The following WDR70 variants were observed in gnomAD, a reference collection of about 807,000 sequenced individuals.
WDR70 encodes the protein WD repeat-containing protein 70.
Under a neutral mutation model 88.6 loss-of-function variants are expected in WDR70, and 53 were observed. The ratio of observed to expected loss-of-function variants is 0.60; its 90% CI spans 0.48 to 0.75. The LOEUF is 0.75. WDR70 is among the 30% of genes least tolerant of loss of function. The pLI is 0.00. For missense variants in WDR70, 610 were observed against 823.2 expected, an observed-to-expected ratio of 0.74 and a Z score of 3.17; for synonymous variants, 280 against 270.0, an observed-to-expected ratio of 1.04 and a Z score of -0.36.
chr5:37,605,067 T>A lies in WDR70; in HGVS notation c.921T>A (p.Thr307=). 1 of 1,605,556 alleles carries A rather than the reference T, an allele frequency of 6.2e-7. No homozygotes were observed. Among genetic ancestry groups the A allele is most frequent in the Non-Finnish European group, 8.5e-7 (1 of 1,176,142 alleles). The change falls in exon 10 of 18, where the codon ACT becomes ACA. Residue 307 remains threonine (T), a synonymous_variant. Transcript: ENST00000265107. ...GEFMTCSNDA[T]VRTWEVENPK... is the part of the protein sequence containing the mutation. ...AAAATCTCCTGATCATTTTTAGGAC[T>A]GTGAGGACGTGGGAAGTTGAAAATC...
At chr5:37,447,372 C>T (rs1412039813) in intron 7 of WDR70, among the ~76,000 whole-genome samples, 5 of 152,094 alleles carry the variant, frequency 3.3e-5, no homozygotes, top group Admixed American at 6.5e-5. Context: ...TTGTGGAAGT[C>T]AGTGTGGCGA....
At chr5:37,424,195 A>G (rs1581267608) in intron 5 of WDR70, among the ~76,000 whole-genome samples, 2 of 145,464 alleles carry the variant, frequency 1.4e-5, no homozygotes, top group South Asian at 2.2e-4. Flanking sequence ...AAAATTATCT[A>G]TTTATAAATA....
intron 10 of WDR70, among the ~76,000 whole-genome samples, chr5:37,690,395 GA>G (rs1207506015): frequency 6.6e-6 from 1 of 152,070 alleles, no homozygotes; most frequent in Non-Finnish European, 1.5e-5. Context: ...GCAACCCCAA[GA>G]CACATAATTG....
chr5:37,471,655 T>G (rs904763461), intron 7 of WDR70, among the ~76,000 whole-genome samples: 1 of 151,950 alleles, frequency 6.6e-6, no homozygotes, highest in Non-Finnish European at 1.5e-5. Flanking sequence ...GTTAGAATTT[T>G]TTTGTTTTCT....
intron 9 of WDR70, among the ~76,000 whole-genome samples, chr5:37,578,549 G>T (rs1189640475): frequency 6.6e-6 from 1 of 152,108 alleles, no homozygotes; most frequent in Non-Finnish European, 1.5e-5. Flanking sequence ...TGTGTACCTA[G>T]TGTTTCTCAG....
intron 9 of WDR70, among the ~76,000 whole-genome samples, chr5:37,538,872 T>C (rs1741737873): frequency 6.6e-6 from 1 of 152,222 alleles, no homozygotes; most frequent in Non-Finnish European, 1.5e-5. Flanking sequence ...AAGGAAGTAA[T>C]TTCTACTTGT....
intron 9 of WDR70, among the ~76,000 whole-genome samples, chr5:37,557,962 G>GAAAACTCTTCAAAAGAGTAGTCTT (rs1742362126): frequency 3.5e-4 from 1 of 2,880 alleles, no homozygotes; most frequent in African/African-American, 1.1e-3. Context: ...AGAGTATTAT[G>GAAAACTCTTCAAAAGAGTAGTCTT]TATATTTATT....
chr5:37,395,576 C>T (rs765328941), intron 4 of WDR70, among the ~76,000 whole-genome samples: 12 of 152,094 alleles, frequency 7.9e-5, no homozygotes, highest in Non-Finnish European at 1.0e-4. Context: ...TTGGATTAGC[C>T]GTTAGAAATA....
At chr5:37,495,635 G>T (rs140017111) in intron 8 of WDR70, among the ~76,000 whole-genome samples, 3 of 152,286 alleles carry the variant, frequency 2.0e-5, no homozygotes, top group East Asian at 3.9e-4. Context: ...TAAAGGAAGA[G>T]ATATTTTTCA....
intron 5 of WDR70, among the ~76,000 whole-genome samples, chr5:37,419,755 C>T (rs898163367): frequency 6.6e-6 from 1 of 151,994 alleles, no homozygotes; most frequent in African/African-American, 2.4e-5. Context: ...GTGGAGGTTA[C>T]AGTGAGCAGC....
At chr5:37,563,487 T>A (rs1248931804) in intron 9 of WDR70, among the ~76,000 whole-genome samples, 1 of 45,088 alleles carries the variant, frequency 2.2e-5, no homozygotes, top group African/African-American at 6.5e-5. Flanking sequence ...GGCTCCTCAC[T>A]TCCCAGTAGG....
At chr5:37,677,975 C>G (rs1437463454) in intron 10 of WDR70, among the ~76,000 whole-genome samples, 3 of 152,136 alleles carry the variant, frequency 2.0e-5, no homozygotes, top group African/African-American at 4.8e-5. Context: ...GATCCCTTTA[C>G]CATTATGTAA....
intron 9 of WDR70, among the ~76,000 whole-genome samples, chr5:37,604,286 GA>G (rs1188242245): frequency 6.6e-6 from 1 of 152,196 alleles, no homozygotes; most frequent in Non-Finnish European, 1.5e-5. Flanking sequence ...TAGAATATTA[GA>G]TTGACAATTA....
At chr5:37,403,731 T>G (rs998301482) in intron 5 of WDR70, among the ~76,000 whole-genome samples, 1 of 152,208 alleles carries the variant, frequency 6.6e-6, no homozygotes, top group African/African-American at 2.4e-5. Flanking sequence ...AATTAATTTT[T>G]TTTTTTAAAG....
chr5:37,634,537 T>C (rs1466095522), intron 10 of WDR70, among the ~76,000 whole-genome samples: 1 of 152,154 alleles, frequency 6.6e-6, no homozygotes, highest in Non-Finnish European at 1.5e-5. Flanking sequence ...ATGATCAGAC[T>C]TACATTTTTT....
chr5:37,503,918 A>G (rs760104317), intron 8 of WDR70, among the ~76,000 whole-genome samples: 1 of 152,144 alleles, frequency 6.6e-6, no homozygotes, highest in Non-Finnish European at 1.5e-5. Context: ...AGAGGTGTTC[A>G]TAGTAATCTC....
chr5:37,623,028 T>C (rs185600681), intron 10 of WDR70, among the ~76,000 whole-genome samples: 2 of 152,320 alleles, frequency 1.3e-5, no homozygotes, highest in African/African-American at 2.4e-5. Context: ...CTACCAAGTC[T>C]CTGTGTCTTA....
chr5:37,436,274 T>C (rs1170866287), intron 5 of WDR70, among the ~76,000 whole-genome samples: 1 of 152,138 alleles, frequency 6.6e-6, no homozygotes, highest in Non-Finnish European at 1.5e-5. Flanking sequence ...TGTGCCAAAC[T>C]CTGTTAGGAG....
chr5:37,613,490 C>T (rs907969753), intron 10 of WDR70, among the ~76,000 whole-genome samples: 1 of 152,168 alleles, frequency 6.6e-6, no homozygotes, highest in Non-Finnish European at 1.5e-5. Context: ...AAAAGGCAAA[C>T]TGATTTGTCT....
Sources: allele counts gnomAD v4.1 joint callset (sites outside exome capture counted in the v4.1 genomes callset), GRCh38; gene constraint gnomAD v4.1.1; transcripts MANE v1.5; gene names NCBI Gene and HGNC (gene_info 2026-07-23, HGNC 2026-07-21).